ZC3HC1: variants seen among roughly 807,000 people sequenced by gnomAD.
ZC3HC1 encodes the protein zinc finger C3HC-type containing 1.
ZC3HC1 carries 38 observed loss-of-function variants against 61.9 expected under a neutral mutation model. The observed-to-expected ratio is 0.61, with a 90% CI of 0.47 to 0.81. The LOEUF (loss-of-function observed/expected upper bound fraction) is 0.81, where lower values mean the gene tolerates loss of function less well. ZC3HC1 is among the 30% of genes least tolerant of loss of function. The pLI, the probability that ZC3HC1 is intolerant of heterozygous loss-of-function variation, is 0.00. For missense variants in ZC3HC1, 554 were observed against 622.7 expected (o/e 0.89, Z 1.17); for synonymous variants, 213 against 229.9 (o/e 0.93, Z 0.67).
At chr7:130,028,684 T>C (rs1363021409) in intron 5 of ZC3HC1, among the ~76,000 whole-genome samples, 1 of 152,104 alleles carries the variant, frequency 6.6e-6, no homozygotes. Context: ...TATACATATA[T>C]GTTAAATTGA....
In ZC3HC1 at chr7:130,041,144, A is replaced by ATG. The variant is rs764016397; in HGVS notation, c.259-45_259-44dup. On this transcript the variant is annotated intron_variant, in intron 2 of 9. Coordinates refer to ENST00000358303, the MANE Select transcript of ZC3HC1 (RefSeq NM_016478.5). ...AACAACACAGCAAATATATATATAT[A>ATG]TGTGTGTGTATGTGTGTGTGTGTGT... 5,652 of 1,451,486 alleles carry ATG rather than the reference A, an allele frequency of 3.9e-3. 128 individuals are homozygous for ATG. In the African/African-American group the frequency reaches 0.081, roughly 21 times the overall value. 89.9% of individuals were successfully genotyped at this position (1,451,486 alleles called of 1,614,324 possible). A position where few individuals can be genotyped will look rare whatever the true frequency, so the allele number is the denominator to read the frequency against.
chr7:130,030,463 G>C (rs1238805223), intron 4 of ZC3HC1, among the ~76,000 whole-genome samples: 1 of 152,084 alleles, frequency 6.6e-6, no homozygotes, highest in African/African-American at 2.4e-5. Context: ...GCCTCCCAAA[G>C]TGCTGAGATT....
chr7:130,021,384 GA>G (rs2116648317), intron 9 of ZC3HC1, among the ~76,000 whole-genome samples: 1 of 152,314 alleles, frequency 6.6e-6, no homozygotes, highest in African/African-American at 2.4e-5. Context: ...GAAAATTTGG[GA>G]GTGAGCCAGC....
In ZC3HC1 at chr7:130,024,309, A is replaced by G. The variant is rs767833459; in HGVS notation, c.974T>C (p.Met325Thr). 6.2e-7 allele frequency: 1 copy of G among 1,613,876 alleles called. No homozygotes were observed. ...AGTGGCATCCTGGCTCCGGGTCATCATCCTCCGAGGAGATTCAGGCACCAG... is the reference window on the plus strand; with the variant it reads ...AGTGGCATCCTGGCTCCGGGTCATCGTCCTCCGAGGAGATTCAGGCACCAG... The part of the protein sequence containing the change: ...LPLVPESPRR[M>T]MTRSQDATFS... The change falls in exon 7 of 10, where the codon ATG (methionine) becomes ACG (threonine). Residue 325 changes from methionine (M) to threonine (T), a missense_variant. Physicochemically the swap from Met to Thr is moderately conservative, Grantham distance 81. Transcript: ENST00000358303.
chr7:130,026,244 A>C lies in ZC3HC1; in HGVS notation c.690T>G (p.Asp230Glu). The C allele has an allele frequency of 1.2e-6, 2 of 1,614,128 alleles. No homozygotes were observed. The highest frequency in any genetic ancestry group is 1.7e-6 in the Non-Finnish European group (2 of 1,180,012). Residue 230 changes from aspartate (D) to glutamate (E), a missense_variant, in exon 6 of 10, where the codon GAT (aspartate) becomes GAG (glutamate). Transcript: ENST00000358303. Reference protein sequence around the residue: ...LLEDELDHRTDERKTTIKLGS... With the variant: ...LLEDELDHRTEERKTTIKLGS... The stretch of plus-strand genomic sequence containing the variant: ...CTAATTTGATTGTAGTTTTTCTCTC[A>C]TCAGTTCGGTGATCAAGTTCATCTT...
At chr7:130,034,511 A>G (rs916404627) in intron 4 of ZC3HC1, among the ~76,000 whole-genome samples, 10 of 143,504 alleles carry the variant, frequency 7.0e-5, no homozygotes, top group Admixed American at 1.4e-4. Context: ...AAAAAAAAAA[A>G]AGAGACAGGG....
At chr7:130,045,060 A>C (rs985315470) in intron 2 of ZC3HC1, among the ~76,000 whole-genome samples, 1 of 152,228 alleles carries the variant, frequency 6.6e-6, no homozygotes, top group African/African-American at 2.4e-5. Flanking sequence ...GAATGTTATT[A>C]GTATAACTGA....
chr7:130,047,638 TACACACACACACACACACACAC>T (rs34052360), intron 2 of ZC3HC1, among the ~76,000 whole-genome samples: 80 of 138,216 alleles, frequency 5.8e-4, no homozygotes, highest in Admixed American at 3.3e-3. Flanking sequence ...AGACTTTGTC[TACACACACACACACACACACAC>T]ACACACACAC....
rs754898326 is a variant in ZC3HC1 at position 130,049,097 on chromosome 7, G to A, written c.194C>T (p.Ala65Val). The A allele has an allele frequency of 5.6e-5, 90 of 1,609,312 alleles. 1 individual carries two copies. In the East Asian group the frequency reaches 1.8e-3, roughly 32 times the overall value. ...TSQSVNGSPQ[A>V]EQPSLESTSK... ...TGTAGATTCCAATGAAGGTTGTTCC[G>A]CTTGGGGTGATCCATTAACTGACTG... is the stretch of plus-strand genomic sequence containing the variant. The change falls in exon 2 of 10, where the codon GCG becomes GTG. Residue 65 changes from alanine to valine, a missense_variant. Coordinates refer to ENST00000358303, the MANE Select transcript of ZC3HC1 (RefSeq NM_016478.5).
intron 6 of ZC3HC1, among the ~76,000 whole-genome samples, chr7:130,024,872 A>AACAACC (rs199965344): frequency 7.6e-6 from 1 of 131,420 alleles, no homozygotes; most frequent in African/African-American, 2.8e-5. Context: ...CAACAACAAC[A>AACAACC]CAAAAAGTTT....
At chr7:130,031,623 G>A (rs1794198992) in intron 4 of ZC3HC1, among the ~76,000 whole-genome samples, 1 of 152,184 alleles carries the variant, frequency 6.6e-6, no homozygotes, top group Non-Finnish European at 1.5e-5. Context: ...AACCTTAAAA[G>A]CTGGGAAATG....
intron 4 of ZC3HC1, among the ~76,000 whole-genome samples, chr7:130,033,976 A>G (rs1360687213): frequency 6.6e-6 from 1 of 152,122 alleles, no homozygotes; most frequent in African/African-American, 2.4e-5. Context: ...GGCCCCTTCT[A>G]ATAGCAAAAC....
At chr7:130,043,652 C>T (rs1362729744) in intron 2 of ZC3HC1, 2 of 290,040 alleles carry the variant, frequency 6.9e-6, no homozygotes, top group African/African-American at 2.2e-5. Context: ...GCAATTCAGT[C>T]TTAAAGCCAT....
intron 9 of ZC3HC1, among the ~76,000 whole-genome samples, chr7:130,019,836 G>A (rs1311568384): frequency 9.4e-5 from 1 of 10,630 alleles, no homozygotes. Flanking sequence ...TTTTTTTTTT[G>A]AGACAGGTCT....
intron 9 of ZC3HC1, among the ~76,000 whole-genome samples, chr7:130,019,090 G>T (rs1458711022): frequency 2.2e-5 from 3 of 137,742 alleles, no homozygotes; most frequent in Admixed American, 8.0e-5. Context: ...GTCTCACTCT[G>T]TCACCCAGGC....
intron 1 of ZC3HC1, among the ~76,000 whole-genome samples, chr7:130,050,919 CA>C (rs932285373): frequency 6.6e-6 from 1 of 151,884 alleles, no homozygotes; most frequent in East Asian, 1.9e-4. Context: ...GTCCACGGCA[CA>C]AAAAAAGGTT....
intron 4 of ZC3HC1, among the ~76,000 whole-genome samples, chr7:130,034,744 GC>G (rs1412125433): frequency 6.6e-6 from 1 of 152,042 alleles, no homozygotes; most frequent in Non-Finnish European, 1.5e-5. Context: ...TCCCACCTTG[GC>G]CCTGCAAAAC....
intron 4 of ZC3HC1, among the ~76,000 whole-genome samples, chr7:130,039,119 C>T (rs1032115244): frequency 2.0e-5 from 3 of 151,942 alleles, no homozygotes; most frequent in East Asian, 1.9e-4. Context: ...CCGAGACGGG[C>T]GGATCATCTG....
At chr7:130,034,589 G>T (rs1794357941) in intron 4 of ZC3HC1, among the ~76,000 whole-genome samples, 2 of 151,444 alleles carry the variant, frequency 1.3e-5, no homozygotes, top group Admixed American at 6.6e-5. Flanking sequence ...GGAATTCCTG[G>T]GTTAAAGGGA....
Sources: allele counts gnomAD v4.1 joint callset (sites outside exome capture counted in the v4.1 genomes callset), GRCh38; gene constraint gnomAD v4.1.1; transcripts MANE v1.5; gene names NCBI Gene and HGNC (gene_info 2026-07-23, HGNC 2026-07-21).